USP28: variants seen among roughly 807,000 people sequenced by gnomAD.
USP28 encodes the protein ubiquitin carboxyl-terminal hydrolase 28.
USP28 carries 113 observed loss-of-function variants against 145.0 expected under a neutral mutation model. The ratio of observed to expected loss-of-function variants is 0.78; its 90% CI spans 0.67 to 0.91. The LOEUF (loss-of-function observed/expected upper bound fraction) is 0.91, where lower values mean the gene tolerates loss of function less well. USP28 is among the 40% of genes least tolerant of loss of function. The pLI is 0.00. For synonymous variants in USP28, 447 were observed against 450.9 expected, an observed-to-expected ratio of 0.99 and a Z score of 0.11; for missense variants, 1,201 against 1,289.6, an observed-to-expected ratio of 0.93 and a Z score of 1.05.
Position 113,802,156 on chromosome 11 carries a change from G to A in USP28, c.2863-478C>T, listed in dbSNP as rs576083040. Among the ~76,000 whole-genome samples the A allele has an allele frequency of 5.3e-5, 8 of 152,258 alleles. No homozygotes were observed. In the South Asian group the frequency reaches 1.5e-3, roughly 28 times the overall value. ...CACTAGGGGTTGGGACTCAATAATG[G>A]AAAGAGTCTAAATCCCTATAATTGC... On this transcript the variant is annotated intron_variant, in intron 23 of 24. Coordinates refer to ENST00000003302, the Ensembl canonical transcript of USP28.
At chr11:113,861,103 G>A (rs557555991) in intron 1 of USP28, among the ~76,000 whole-genome samples, 25 of 146,800 alleles carry the variant, frequency 1.7e-4, no homozygotes, top group Non-Finnish European at 2.5e-4. Context: ...CAGCCTGGGC[G>A]ACAAAGCGAG....
chr11:113,830,786 A>G, intron 9 of USP28, 81 bp downstream of exon 9: 2 of 1,357,708 alleles, frequency 1.5e-6, no homozygotes, highest in South Asian at 2.5e-5. Flanking sequence ...AAGCCTATTC[A>G]CTATACTGCC....
intron 1 of USP28, among the ~76,000 whole-genome samples, chr11:113,856,623 T>C (rs773932878): frequency 7.2e-5 from 11 of 152,210 alleles, no homozygotes; most frequent in Non-Finnish European, 1.3e-4. Flanking sequence ...TATACCACGC[T>C]GTATCTGAGA....
At chr11:113,818,637 T>C (rs1210046422) in intron 12 of USP28, among the ~76,000 whole-genome samples, 3 of 152,114 alleles carry the variant, frequency 2.0e-5, no homozygotes, top group Admixed American at 6.6e-5. Context: ...GGCAGGTAGA[T>C]GGCTTGAAGC....
At chr11:113,819,127 T>TG (rs899368322) in intron 12 of USP28, among the ~76,000 whole-genome samples, 1 of 151,820 alleles carries the variant, frequency 6.6e-6, no homozygotes, top group African/African-American at 2.4e-5. Context: ...TTTTTTTTTT[T>TG]TTTGAGACAG....
At chr11:113,873,662 T>A (rs1055453294) in intron 1 of USP28, among the ~76,000 whole-genome samples, 1 of 152,284 alleles carries the variant, frequency 6.6e-6, no homozygotes, top group South Asian at 2.1e-4. Context: ...CAAACTAAAA[T>A]TTTCCCATGT....
chr11:113,868,337 T>G (rs894646930), intron 1 of USP28, among the ~76,000 whole-genome samples: 2 of 152,236 alleles, frequency 1.3e-5, no homozygotes, highest in African/African-American at 4.8e-5. Context: ...TTACTTGCTG[T>G]GTCACTTTGC....
intron 5 of USP28, among the ~76,000 whole-genome samples, chr11:113,838,529 T>C (rs527294832): frequency 6.6e-6 from 1 of 152,336 alleles, no homozygotes; most frequent in East Asian, 1.9e-4. Context: ...GTCAGACACA[T>C]TAAGCAAGCT....
In USP28 at chr11:113,840,270, T is replaced by G. The variant is rs116162376; in HGVS notation, c.534+328A>C. ...TCCATGACTTCTGCCACTTCTCTAC[T>G]CCAGGCCACCACTGTCGCCTACCTG... is the stretch of plus-strand genomic sequence containing the variant. On this transcript the variant is annotated intron_variant, in intron 5 of 24. Coordinates refer to ENST00000003302, the Ensembl canonical transcript of USP28. 2.5e-3 allele frequency among the ~76,000 whole-genome samples: 384 copies of G among 152,280 alleles called. 4 individuals carry two copies. Among genetic ancestry groups the G allele is most frequent in the African/African-American group, 8.8e-3 (364 of 41,554 alleles).
At chr11:113,809,112 T>C (rs1172346027) in exon 17 of USP28, 6 of 1,614,142 alleles carry the variant, frequency 3.7e-6, no homozygotes, top group Non-Finnish European at 5.1e-6. Flanking sequence ...AGGACTCCAT[T>C]TGAGGGATTT....
At chr11:113,829,501 C>T (rs1453420584) in intron 9 of USP28, 156 bp from the exon 10 acceptor site, 7 of 805,188 alleles carry the variant, frequency 8.7e-6, no homozygotes, top group African/African-American at 1.7e-5. Context: ...GTGAGCCAGT[C>T]AATCTAGACA....
chr11:113,805,067 G>C lies in USP28; in HGVS notation c.2401-21C>G, dbSNP rs757084783. 3 of 1,610,554 alleles carry C rather than the reference G, an allele frequency of 1.9e-6. No individual in the cohort carries two copies. In the African/African-American group the frequency reaches 4.1e-5, roughly 22 times the overall value. On this transcript the variant is annotated intron_variant, in intron 19 of 24. Transcript: ENST00000003302. The stretch of plus-strand genomic sequence containing the variant: ...AATGCCTATTAAGGGCAGAATCAAT[G>C]GTTAGAAAATAGTGTGCTGTGGGCT...
At position 113,857,856 on chromosome 11, in the gene USP28, C is replaced by T. The variant is rs117880108; in HGVS notation, c.58-3521G>A. On this transcript the variant is annotated intron_variant, in intron 1 of 24. Coordinates refer to ENST00000003302, the Ensembl canonical transcript of USP28. ...AACACAATCAGGAAAGGAAAATAAACTCTTTCGTTTCCTTTTTTTTTTGAG... is the reference window on the plus strand; with the variant it reads ...AACACAATCAGGAAAGGAAAATAAATTCTTTCGTTTCCTTTTTTTTTTGAG... 4.1e-3 allele frequency among the ~76,000 whole-genome samples: 629 copies of T among 152,070 alleles called. 4 individuals carry two copies. Among genetic ancestry groups the T allele is most frequent in the Middle Eastern group, 0.01 (3 of 294 alleles).
intron 10 of USP28, among the ~76,000 whole-genome samples, chr11:113,828,382 G>A (rs1052565055): frequency 1.3e-5 from 2 of 152,194 alleles, no homozygotes; most frequent in Non-Finnish European, 2.9e-5. Context: ...TACAGATGAC[G>A]TAATTCCTCC....
intron 14 of USP28, 135 bp from the exon 15 acceptor site, chr11:113,814,090 TAC>T (rs1338422653): frequency 5.4e-5 from 33 of 616,722 alleles, no homozygotes; most frequent in Middle Eastern, 8.3e-4. Flanking sequence ...CGAAGCAATA[TAC>T]AGTTTTAAAG....
At chr11:113,804,815 G>C (rs1432265600) in intron 20 of USP28, 53 bp downstream of exon 21, 37 of 1,611,076 alleles carry the variant, frequency 2.3e-5, no homozygotes, top group Non-Finnish European at 3.1e-5. Context: ...CAACAGAGGA[G>C]TCCATCTAGC....
chr11:113,869,846 T>C (rs1028132335), intron 1 of USP28, among the ~76,000 whole-genome samples: 1 of 152,090 alleles, frequency 6.6e-6, no homozygotes, highest in Non-Finnish European at 1.5e-5. Context: ...AAACAGAGTA[T>C]AGAAGTCATT....
intron 5 of USP28, among the ~76,000 whole-genome samples, chr11:113,839,554 C>G (rs1289747724): frequency 6.6e-6 from 1 of 151,980 alleles, no homozygotes; most frequent in Non-Finnish European, 1.5e-5. Context: ...CATCTTGTCT[C>G]AAATGAATAA....
chr11:113,865,093 G>A (rs528016306), intron 1 of USP28, among the ~76,000 whole-genome samples: 21 of 152,172 alleles, frequency 1.4e-4, no homozygotes, highest in African/African-American at 4.6e-4. Flanking sequence ...CCCCCGTCTC[G>A]GCCTCTTCCC....
Sources: gnomAD v4.1 joint callset for allele counts (sites outside exome capture counted in the v4.1 genomes callset) on GRCh38, gnomAD v4.1.1 for gene constraint, MANE v1.5 for transcripts, NCBI Gene and HGNC (gene_info 2026-07-23, HGNC 2026-07-21) for gene names.